The following ABR variants were observed in gnomAD, a reference collection of about 807,000 sequenced individuals.
ABR encodes the protein ABR activator of RhoGEF and GTPase, also known as active breakpoint cluster region-related protein.
In ABR, 35 loss-of-function variants were observed where a neutral mutation model predicts 107.2. The observed-to-expected ratio is 0.33, with a 90% CI of 0.25 to 0.43. The LOEUF is 0.43. Among genes scored for constraint, ABR ranks in the 20% least tolerant of loss-of-function variants. The probability of loss-of-function intolerance (pLI) is 1.00; values close to 1 mark genes in which losing one functional copy is unlikely to be tolerated. For missense variants in ABR, 815 were observed against 1,115.2 expected, an observed-to-expected ratio of 0.73 and a Z score of 3.83; for synonymous variants, 498 against 462.0, an observed-to-expected ratio of 1.08 and a Z score of -1.00.
At chr17:1,162,931 G>C (rs2041361818) in intron 1 of ABR, among the ~76,000 whole-genome samples, 2 of 152,090 alleles carry the variant, frequency 1.3e-5, no homozygotes, top group South Asian at 4.1e-4. Context: ...AATTAGCTGG[G>C]CTTGGTGCTG....
chr17:1,222,347 A>G (rs55896531), intron 1 of ABR, among the ~76,000 whole-genome samples: 76,067 of 151,808 alleles, frequency 0.5, 19,635 homozygotes, highest in Middle Eastern at 0.56. Flanking sequence ...TTACAGGCGT[A>G]CGTGAGCCAC....
intron 16 of ABR, among the ~76,000 whole-genome samples, chr17:1,025,100 C>T (rs1323420602): frequency 1.1e-5 from 1 of 90,264 alleles, no homozygotes; most frequent in Non-Finnish European, 2.1e-5. Flanking sequence ...CCAGCCTGGG[C>T]GACAGCGAGA....
chr17:1,101,937 G>T (rs573136712), intron 2 of ABR, among the ~76,000 whole-genome samples: 6 of 152,058 alleles, frequency 3.9e-5, no homozygotes, highest in East Asian at 3.9e-4. Context: ...ATTTCACCGT[G>T]TTAGCCAGGA....
rs200180169 is a variant in ABR, at chr17:1,069,944, C to T, written c.1016+25G>A. ...GAGGTCCGGACCCCCTCCCCCGCCCCGTGCCCCTGGACTCACACACTCACC... is the reference window on the plus strand; with the variant it reads ...GAGGTCCGGACCCCCTCCCCCGCCCTGTGCCCCTGGACTCACACACTCACC... On this transcript the variant is annotated intron_variant, in intron 9 of 22. Coordinates refer to ENST00000302538, the MANE Select transcript of ABR (RefSeq NM_021962.5). 2.9e-5 allele frequency: 45 copies of T among 1,564,682 alleles called. No homozygotes were observed. The Admixed American group carries it at 3.7e-4, about 13-fold the overall frequency.
intron 1 of ABR, among the ~76,000 whole-genome samples, chr17:1,173,215 T>C (rs189049146): frequency 0.035 from 879 of 25,144 alleles, 19 homozygotes; most frequent in African/African-American, 0.099. Context: ...ATCACCTCAG[T>C]CCACTCAACA....
At chr17:1,158,955 C>G (rs541739548) in intron 1 of ABR, among the ~76,000 whole-genome samples, 1 of 152,322 alleles carries the variant, frequency 6.6e-6, no homozygotes, top group African/African-American at 2.4e-5. Context: ...CCTGTTCAGA[C>G]TACAGGGAGC....
intron 16 of ABR, among the ~76,000 whole-genome samples, chr17:1,034,881 C>T (rs947402145): frequency 2.0e-5 from 3 of 152,062 alleles, no homozygotes; most frequent in Non-Finnish European, 2.9e-5. Flanking sequence ...AGAAGGGGGC[C>T]GTGTGAATCC....
At chr17:1,022,999 C>T (rs951679904) in intron 16 of ABR, among the ~76,000 whole-genome samples, 8 of 146,026 alleles carry the variant, frequency 5.5e-5, no homozygotes, top group South Asian at 2.1e-4. Flanking sequence ...GCCCCACGTC[C>T]GCTCCAGAGC....
intron 1 of ABR, among the ~76,000 whole-genome samples, chr17:1,142,638 C>T (rs181062561): frequency 2.0e-5 from 3 of 151,570 alleles, no homozygotes; most frequent in East Asian, 1.9e-4. Flanking sequence ...CAGCCAGGCG[C>T]GTGATCAATT....
At chr17:1,140,879 G>A (rs1224067930) in intron 1 of ABR, among the ~76,000 whole-genome samples, 4 of 151,916 alleles carry the variant, frequency 2.6e-5, no homozygotes, top group South Asian at 2.1e-4. Context: ...CACCGCGCCC[G>A]GCCAGTCTTC....
chr17:1,193,041 T>C (rs917912243), intron 1 of ABR, among the ~76,000 whole-genome samples: 1 of 152,048 alleles, frequency 6.6e-6, no homozygotes, highest in Non-Finnish European at 1.5e-5. Flanking sequence ...AGAGCGAAAC[T>C]CTATCTCAAA....
In ABR at chr17:1,150,273, G is replaced by C. The variant is rs1334380776; in HGVS notation, c.62-24906C>G. Among the ~76,000 whole-genome samples the C allele has an allele frequency of 6.6e-6, 1 of 152,196 alleles. No homozygotes were observed. Among genetic ancestry groups the C allele is most frequent in the Non-Finnish European group, 1.5e-5 (1 of 68,034 alleles). ...TAAAGATAACAGAGCACTTGGCCAA[G>C]CCAGCGCGATGTCTGCACTCAGATC... On this transcript the variant is annotated intron_variant, in intron 1 of 22. Coordinates refer to ENST00000302538, the MANE Select transcript of ABR (RefSeq NM_021962.5). The surrounding 1 kb of genome is among the most constrained non-coding windows in gnomAD (Gnocchi z 4.8).
intron 3 of ABR, among the ~76,000 whole-genome samples, chr17:1,093,872 T>C (rs1405837033): frequency 6.6e-6 from 1 of 152,222 alleles, no homozygotes; most frequent in East Asian, 1.9e-4. Context: ...GATGGTGCTC[T>C]GCCTTCTGGC....
chr17:1,139,969 G>A lies in ABR; in HGVS notation c.62-14602C>T, dbSNP rs145966642. ...TGAACAGACTGGTACCACTGAAGCC[G>A]AGCTCTGGAGGGGTCAGACTGCAGA... On this transcript the variant is annotated intron_variant, in intron 1 of 22. Coordinates refer to ENST00000302538, the MANE Select transcript of ABR (RefSeq NM_021962.5). Among the ~76,000 whole-genome samples, 6 of 152,242 alleles carry A rather than the reference G, an allele frequency of 3.9e-5. No individual in the cohort carries two copies. In the South Asian group the frequency reaches 6.2e-4, roughly 16 times the overall value.
At position 1,007,228 on chromosome 17, in the gene ABR, T is replaced by C; in HGVS notation, c.2427A>G (p.Glu809=). ...AGGTGAGGTGTGCTTTGCTCTCCACTTCTGAGGGTCTCAGTAACGTGGGTC... is the reference window on the plus strand; with the variant it reads ...AGGTGAGGTGTGCTTTGCTCTCCACCTCTGAGGGTCTCAGTAACGTGGGTC... ...VFGPTLLRPS[E]VESKAHLTSA... The change falls in exon 22 of 23, where the codon GAA becomes GAG. Residue 809 remains glutamate (E), a synonymous_variant. Coordinates refer to ENST00000302538, the MANE Select transcript of ABR (RefSeq NM_021962.5). 6.2e-7 allele frequency: 1 copy of C among 1,614,136 alleles called. No homozygotes were observed. Among genetic ancestry groups the C allele is most frequent in the South Asian group, 1.1e-5 (1 of 91,090 alleles).
At chr17:1,211,641 A>C (rs1288153679) in intron 1 of ABR, among the ~76,000 whole-genome samples, 2 of 152,222 alleles carry the variant, frequency 1.3e-5, no homozygotes, top group African/African-American at 4.8e-5. Context: ...CAGAGACGTG[A>C]AATAACGTTT....
At chr17:1,075,413 T>C (rs920750) in intron 6 of ABR, among the ~76,000 whole-genome samples, 79,226 of 152,162 alleles carry the variant, frequency 0.52, 21,980 homozygotes, top group African/African-American at 0.71. Flanking sequence ...GCCCCAAACC[T>C]GATAGTTCTC....
At chr17:1,017,019 C>T (rs1030162197) in intron 16 of ABR, among the ~76,000 whole-genome samples, 13 of 151,962 alleles carry the variant, frequency 8.6e-5, no homozygotes, top group Non-Finnish European at 1.8e-4. Context: ...AAGCCTCCGA[C>T]GGGGTCTGGG....
rs761970088 is a variant in ABR at position 1,100,670 on chromosome 17, C to T, written c.312G>A (p.Glu104=). The T allele has an allele frequency of 1.2e-6, 2 of 1,614,188 alleles. No individual in the cohort carries two copies. The highest frequency in any genetic ancestry group is 1.7e-6 in the Non-Finnish European group (2 of 1,180,036). Residue 104 remains glutamate (E), a synonymous_variant, in exon 3 of 23, where the codon GAG becomes GAA. Transcript: ENST00000302538. Reference sequence around the variant, plus strand: ...GGGCTTCCAGCTGGTTAATGTAGATCTCTTCGCTGGCCAAGAACCCCGAGA... The same window carrying T: ...GGGCTTCCAGCTGGTTAATGTAGATTTCTTCGCTGGCCAAGAACCCCGAGA... ...LVLSGFLASE[E]IYINQLEALL...
Sources: allele counts gnomAD v4.1 joint callset (sites outside exome capture counted in the v4.1 genomes callset), GRCh38; gene constraint gnomAD v4.1.1; non-coding constraint Gnocchi (gnomAD v3.1); transcripts MANE v1.5; gene names NCBI Gene and HGNC (gene_info 2026-07-23, HGNC 2026-07-21).